GPC5: variants seen among roughly 807,000 people sequenced by gnomAD.
GPC5 encodes glypican 5.
GPC5 carries 47 observed loss-of-function variants against 53.9 expected under a neutral mutation model. The ratio of observed to expected loss-of-function variants is 0.87; its 90% CI spans 0.69 to 1.11. The LOEUF is 1.11. GPC5 is among the 50% of genes most tolerant of loss of function. The pLI, the probability that GPC5 is intolerant of heterozygous loss-of-function variation, is 0.00. For missense variants in GPC5, 748 were observed against 713.1 expected, an observed-to-expected ratio of 1.05 and a Z score of -0.56; for synonymous variants, 286 against 263.3, an observed-to-expected ratio of 1.09 and a Z score of -0.84.
At chr13:91,634,006 G>A (rs1232437055) in intron 2 of GPC5, among the ~76,000 whole-genome samples, 5 of 152,022 alleles carry the variant, frequency 3.3e-5, no homozygotes, top group Non-Finnish European at 7.4e-5. Flanking sequence ...GAATAATAAA[G>A]CACACATTTG....
intron 7 of GPC5, among the ~76,000 whole-genome samples, chr13:92,831,819 A>T (rs1878053691): frequency 6.6e-6 from 1 of 152,152 alleles, no homozygotes. Flanking sequence ...CATGTGGCCA[A>T]GTAAGGTGGT....
At chr13:92,428,172 C>T (rs941909476) in intron 7 of GPC5, among the ~76,000 whole-genome samples, 2 of 152,218 alleles carry the variant, frequency 1.3e-5, no homozygotes, top group African/African-American at 4.8e-5. Context: ...TGGCCCCCAA[C>T]CTATGGCGGA....
intron 2 of GPC5, among the ~76,000 whole-genome samples, chr13:91,619,235 A>C (rs887773903): frequency 6.6e-6 from 1 of 152,110 alleles, no homozygotes; most frequent in Non-Finnish European, 1.5e-5. Context: ...AAGGTTAATT[A>C]CCTTTACTAT....
intron 6 of GPC5, among the ~76,000 whole-genome samples, chr13:92,106,471 A>C (rs2041510925): frequency 6.6e-6 from 1 of 152,042 alleles, no homozygotes; most frequent in African/African-American, 2.4e-5. Context: ...AAGCCTTAAA[A>C]ATTGAACTTT....
At chr13:92,367,047 A>G (rs1245124649) in intron 7 of GPC5, among the ~76,000 whole-genome samples, 2 of 152,206 alleles carry the variant, frequency 1.3e-5, no homozygotes, top group Non-Finnish European at 2.9e-5. Context: ...TTCAGACAGG[A>G]CAGTTATGTT....
intron 6 of GPC5, among the ~76,000 whole-genome samples, chr13:92,052,499 T>C (rs2041038669): frequency 6.6e-6 from 1 of 152,198 alleles, no homozygotes; most frequent in Non-Finnish European, 1.5e-5. Flanking sequence ...CCCGCCCATG[T>C]CCTGCTGGTT....
At chr13:91,983,214 C>T (rs539271533) in intron 6 of GPC5, among the ~76,000 whole-genome samples, 28 of 152,102 alleles carry the variant, frequency 1.8e-4, no homozygotes, top group South Asian at 4.2e-4. Flanking sequence ...GGCGTACTGG[C>T]GGGCGCCTGT....
chr13:92,802,737 G>A (rs1420596723), intron 7 of GPC5, among the ~76,000 whole-genome samples: 1 of 151,934 alleles, frequency 6.6e-6, no homozygotes, highest in African/African-American at 2.4e-5. Context: ...TCATAGGTGG[G>A]AATTGAACAA....
intron 7 of GPC5, among the ~76,000 whole-genome samples, chr13:92,259,855 G>A (rs9589467): frequency 7.3e-4 from 111 of 152,216 alleles, no homozygotes; most frequent in African/African-American, 2.7e-3. Context: ...TTAGCTTCTG[G>A]CTGTTCAGGC....
intron 5 of GPC5, among the ~76,000 whole-genome samples, chr13:91,765,096 A>C (rs1361034925): frequency 1.3e-5 from 2 of 152,164 alleles, no homozygotes; most frequent in Admixed American, 6.5e-5. Context: ...GCCTACACCT[A>C]ATGCAGCTGC....
chr13:91,704,798 C>T (rs773604768), intron 3 of GPC5, among the ~76,000 whole-genome samples: 2 of 152,196 alleles, frequency 1.3e-5, no homozygotes, highest in African/African-American at 2.4e-5. Flanking sequence ...CTACCCTAAC[C>T]CCTTCCTAAT....
At chr13:91,832,036 T>C (rs535970541) in intron 5 of GPC5, among the ~76,000 whole-genome samples, 72 of 152,126 alleles carry the variant, frequency 4.7e-4, no homozygotes, top group African/African-American at 1.6e-3. Context: ...GTCTCATTGA[T>C]CTGTCTAATA....
chr13:91,440,588 A>G (rs964929893), intron 1 of GPC5, among the ~76,000 whole-genome samples: 1 of 152,108 alleles, frequency 6.6e-6, no homozygotes, highest in Non-Finnish European at 1.5e-5. Context: ...GGCTGGCCTT[A>G]ATTTATTGGC....
At chr13:91,838,548 G>T (rs556830093) in intron 5 of GPC5, among the ~76,000 whole-genome samples, 1 of 151,922 alleles carries the variant, frequency 6.6e-6, no homozygotes, top group Non-Finnish European at 1.5e-5. Context: ...GGAGAAAAGG[G>T]ATGAGAGAAG....
chr13:91,431,756 T>A (rs780885848), intron 1 of GPC5, among the ~76,000 whole-genome samples: 2 of 152,192 alleles, frequency 1.3e-5, no homozygotes, highest in Non-Finnish European at 2.9e-5. Context: ...AGAGAGCTGT[T>A]CTCAGAGAAA....
intron 4 of GPC5, among the ~76,000 whole-genome samples, chr13:91,745,659 C>T (rs545418050): frequency 6.6e-5 from 10 of 152,224 alleles, no homozygotes; most frequent in South Asian, 2.1e-4. Flanking sequence ...CCTATCTTTA[C>T]GTCACAGTTT....
chr13:92,751,302 TTAAAAAAAAAAAAAAAAA>T (rs1006599108), intron 7 of GPC5, among the ~76,000 whole-genome samples: 2 of 34,400 alleles, frequency 5.8e-5, no homozygotes, highest in African/African-American at 2.0e-4. Flanking sequence ...CCAGAAACAT[TTAAAAAAAAAAAAAAAAA>T]AAAAAAAAAA....
At chr13:91,714,554 A>C (rs998737744) in intron 3 of GPC5, among the ~76,000 whole-genome samples, 1 of 152,202 alleles carries the variant, frequency 6.6e-6, no homozygotes, top group Non-Finnish European at 1.5e-5. Context: ...ATGTTTAGAA[A>C]TAGATACTAT....
intron 2 of GPC5, among the ~76,000 whole-genome samples, chr13:91,481,714 T>C (rs1445544229): frequency 6.6e-6 from 1 of 152,186 alleles, no homozygotes; most frequent in Non-Finnish European, 1.5e-5. Context: ...AGTGATCTCA[T>C]AGCACCTAGT....
Sources: gnomAD v4.1 joint callset for allele counts (sites outside exome capture counted in the v4.1 genomes callset) on GRCh38, gnomAD v4.1.1 for gene constraint, MANE v1.5 for transcripts, NCBI Gene and HGNC (gene_info 2026-07-23, HGNC 2026-07-21) for gene names.